The following EIF3H variants were observed in gnomAD, a reference collection of about 807,000 sequenced individuals.
EIF3H encodes the protein eIF-3-gamma.
Under a neutral mutation model 44.2 loss-of-function variants are expected in EIF3H, and 26 were observed. The observed-to-expected ratio is 0.59, with a 90% CI of 0.43 to 0.82. The LOEUF (loss-of-function observed/expected upper bound fraction) is 0.82. EIF3H is among the 40% of genes least tolerant of loss of function. The pLI, the probability that EIF3H is intolerant of heterozygous loss-of-function variation, is 0.00. For missense variants in EIF3H, 359 were observed against 432.8 expected (o/e 0.83, Z 1.51); for synonymous variants, 166 against 151.9 (o/e 1.09, Z -0.68).
intron 2 of EIF3H, among the ~76,000 whole-genome samples, chr8:116,695,472 G>A (rs1176451231): frequency 1.3e-5 from 2 of 152,210 alleles, no homozygotes; most frequent in African/African-American, 4.8e-5. Flanking sequence ...GCTCAGAGCA[G>A]TGTTGCAGCC....
At chr8:116,662,789 C>T (rs750609407) in intron 2 of EIF3H, among the ~76,000 whole-genome samples, 1 of 152,230 alleles carries the variant, frequency 6.6e-6, no homozygotes, top group Non-Finnish European at 1.5e-5. Context: ...GCCACACCAG[C>T]TGACATGTAT....
intron 1 of EIF3H, among the ~76,000 whole-genome samples, chr8:116,747,123 T>A (rs1448295827): frequency 6.6e-6 from 1 of 152,108 alleles, no homozygotes; most frequent in African/African-American, 2.4e-5. Flanking sequence ...AGTGCAGTGG[T>A]GTGATCTCGG....
At chr8:116,738,276 CAT>C (rs1815076636) in intron 1 of EIF3H, among the ~76,000 whole-genome samples, 1 of 152,070 alleles carries the variant, frequency 6.6e-6, no homozygotes. Context: ...ATGATGGACA[CAT>C]AATATATCTT....
At chr8:116,758,983 C>T (rs1375009251), upstream of EIF3H, among the ~76,000 whole-genome samples, 2 of 152,124 alleles carry the variant, frequency 1.3e-5, no homozygotes, top group African/African-American at 2.4e-5. Flanking sequence ...CAAAATAAAC[C>T]TGAAGTATGC....
intron 2 of EIF3H, among the ~76,000 whole-genome samples, chr8:116,714,377 G>A (rs914142656): frequency 6.6e-6 from 1 of 151,994 alleles, no homozygotes; most frequent in African/African-American, 2.4e-5. Flanking sequence ...CCGTAGTCTG[G>A]ACTTATATCA....
At chr8:116,708,122 T>C (rs375421902) in intron 2 of EIF3H, among the ~76,000 whole-genome samples, 1 of 152,118 alleles carries the variant, frequency 6.6e-6, no homozygotes, top group African/African-American at 2.4e-5. Context: ...CTGTTGATTG[T>C]CACTTCCAAA....
At chr8:116,648,291 T>C (rs1332838301) in intron 6 of EIF3H, among the ~76,000 whole-genome samples, 1 of 152,224 alleles carries the variant, frequency 6.6e-6, no homozygotes, top group African/African-American at 2.4e-5. Flanking sequence ...AAAGGTTATA[T>C]GGTCACAGCC....
intron 2 of EIF3H, among the ~76,000 whole-genome samples, chr8:116,661,400 T>C (rs576821241): frequency 6.6e-6 from 1 of 152,224 alleles, no homozygotes; most frequent in African/African-American, 2.4e-5. Context: ...TGCCAACTTA[T>C]AATAGCAGAA....
intron 2 of EIF3H, among the ~76,000 whole-genome samples, chr8:116,679,419 GC>G (rs1449160290): frequency 1.2e-3 from 71 of 60,100 alleles, no homozygotes; most frequent in African/African-American, 2.5e-3. Flanking sequence ...GGGGGGATCA[GC>G]CCCCCGCCTG....
At chr8:116,674,507 A>G (rs1813814632) in intron 2 of EIF3H, among the ~76,000 whole-genome samples, 1 of 152,190 alleles carries the variant, frequency 6.6e-6, no homozygotes, top group Non-Finnish European at 1.5e-5. Flanking sequence ...TGTTAAATAG[A>G]AAGTCTCTTC....
chr8:116,740,838 T>C (rs115355286), intron 1 of EIF3H, among the ~76,000 whole-genome samples: 4 of 152,086 alleles, frequency 2.6e-5, no homozygotes, highest in African/African-American at 7.2e-5. Flanking sequence ...AAAACAAAGT[T>C]TGAGTGCCAG....
In EIF3H at chr8:116,699,722, T is replaced by C. The variant is rs78660318; in HGVS notation, c.289+26294A>G. ...AATTGAAATTATAAAAATAAATACA[T>C]ATAAATGAATGCATAGGCGCCCTAA... On this transcript the variant is annotated intron_variant, in intron 2 of 7. Transcript: ENST00000521861. Among the ~76,000 whole-genome samples the C allele has an allele frequency of 4.6e-5, 7 of 152,126 alleles. 1 individual carries two copies. The East Asian group carries it at 1.3e-3, about 29-fold the overall frequency.
At chr8:116,694,923 C>G (rs1209295144) in intron 2 of EIF3H, among the ~76,000 whole-genome samples, 1 of 152,056 alleles carries the variant, frequency 6.6e-6, no homozygotes, top group Admixed American at 6.6e-5. Flanking sequence ...AACATAGTAA[C>G]AGAGAATAAG....
At chr8:116,681,560 G>T (rs1408236804) in intron 2 of EIF3H, among the ~76,000 whole-genome samples, 1 of 151,362 alleles carries the variant, frequency 6.6e-6, no homozygotes, top group African/African-American at 2.4e-5. Flanking sequence ...TAGCTACTAA[G>T]GAGGCTGAGG....
upstream of EIF3H, among the ~76,000 whole-genome samples, chr8:116,757,808 G>A (rs1376679379): frequency 2.7e-5 from 4 of 150,524 alleles, no homozygotes; most frequent in East Asian, 2.0e-4. Context: ...TGCAACCTCC[G>A]CCTCCCAGGT....
intron 1 of EIF3H, among the ~76,000 whole-genome samples, chr8:116,751,216 A>AT (rs1563662308): frequency 1.9e-4 from 28 of 146,990 alleles, no homozygotes; most frequent in South Asian, 2.2e-4. Context: ...CGTCTCAAAA[A>AT]AAAAATAAAA....
At chr8:116,758,644 G>T (rs1815484627), upstream of EIF3H, among the ~76,000 whole-genome samples, 1 of 152,084 alleles carries the variant, frequency 6.6e-6, no homozygotes, top group South Asian at 2.1e-4. Context: ...TAATTTCTGA[G>T]TTGAAATTAT....
chr8:116,722,120 G>A (rs928773655), intron 2 of EIF3H, among the ~76,000 whole-genome samples: 5 of 152,128 alleles, frequency 3.3e-5, no homozygotes, highest in Non-Finnish European at 7.4e-5. Flanking sequence ...CACATGTTGT[G>A]GGAGGGACTC....
chr8:116,758,108 T>C (rs1269153869), upstream of EIF3H, among the ~76,000 whole-genome samples: 1 of 152,228 alleles, frequency 6.6e-6, no homozygotes, highest in Non-Finnish European at 1.5e-5. Context: ...CCATAGGCTA[T>C]CTATAAGAAA....
Sources: allele counts gnomAD v4.1 joint callset (sites outside exome capture counted in the v4.1 genomes callset), GRCh38; gene constraint gnomAD v4.1.1; transcripts MANE v1.5; gene names NCBI Gene and HGNC (gene_info 2026-07-23, HGNC 2026-07-21).